Variants in GALNT17 observed in about 807,000 individuals in gnomAD.
The protein encoded by GALNT17 is UDP-GalNAc:polypeptide N-acetylgalactosaminyltransferase-like 3.
Under a neutral mutation model 63.7 loss-of-function variants are expected in GALNT17, and 29 were observed. The observed-to-expected ratio is 0.46, with a 90% CI of 0.34 to 0.62. The LOEUF (loss-of-function observed/expected upper bound fraction) is 0.62. Among genes scored for constraint, GALNT17 ranks in the 20% least tolerant of loss-of-function variants. The pLI, the probability that GALNT17 is intolerant of heterozygous loss-of-function variation, is 0.01. For synonymous variants in GALNT17, 305 were observed against 318.3 expected, an observed-to-expected ratio of 0.96 and a Z score of 0.45; for missense variants, 603 against 799.6, an observed-to-expected ratio of 0.75 and a Z score of 2.97.
At chr7:71,619,065 C>T (rs2116967789) in intron 6 of GALNT17, among the ~76,000 whole-genome samples, 1 of 152,228 alleles carries the variant, frequency 6.6e-6, no homozygotes, top group African/African-American at 2.4e-5. Flanking sequence ...TATTGAGTAG[C>T]AAGTTATTTG....
At chr7:71,332,394 G>A (rs944498017) in intron 1 of GALNT17, among the ~76,000 whole-genome samples, 3 of 152,034 alleles carry the variant, frequency 2.0e-5, no homozygotes, top group Non-Finnish European at 4.4e-5. Flanking sequence ...TCCTGTGCAC[G>A]CTTGAGCTCT....
intron 1 of GALNT17, among the ~76,000 whole-genome samples, chr7:71,266,011 C>T (rs535414320): frequency 6.6e-6 from 1 of 152,278 alleles, no homozygotes; most frequent in East Asian, 1.9e-4. Flanking sequence ...TCATTCCTTT[C>T]CTCTCCTAGC....
Position 71,665,457 on chromosome 7 carries a change from T to C in GALNT17, c.1127T>C (p.Val376Ala). The change falls in exon 7 of 11, where the codon GTG becomes GCG. Residue 376 changes from valine to alanine, a missense_variant. Physicochemically the swap from Val to Ala is moderately conservative, Grantham distance 64 (BLOSUM62 0). Coordinates refer to ENST00000333538, the MANE Select transcript of GALNT17 (RefSeq NM_022479.3). The stretch of plus-strand genomic sequence containing the variant: ...ATGGAGGTCCTTCCTTGCTCACGGG[T>C]GGCCCACATTGAGCGGAAGAAGAAG... Reference protein sequence around the residue: ...GSMEVLPCSRVAHIERKKKPY... With the variant: ...GSMEVLPCSRAAHIERKKKPY... 1 of 1,613,050 alleles carries C rather than the reference T, an allele frequency of 6.2e-7. No individual in the cohort carries two copies. Among genetic ancestry groups the C allele is most frequent in the Non-Finnish European group, 8.5e-7 (1 of 1,179,944 alleles).
chr7:71,240,102 C>T (rs932575094), intron 1 of GALNT17, among the ~76,000 whole-genome samples: 3 of 152,088 alleles, frequency 2.0e-5, no homozygotes, highest in Admixed American at 1.3e-4. Flanking sequence ...GAGGGTGGAA[C>T]GTTAAAAGCT....
chr7:71,527,155 A>G (rs1348953761), intron 5 of GALNT17, among the ~76,000 whole-genome samples: 1 of 152,174 alleles, frequency 6.6e-6, no homozygotes, highest in Admixed American at 6.5e-5. Flanking sequence ...TAGCTATTCA[A>G]TAAAATGAAT....
At chr7:71,533,692 T>A (rs1394008304) in intron 5 of GALNT17, among the ~76,000 whole-genome samples, 1 of 152,226 alleles carries the variant, frequency 6.6e-6, no homozygotes, top group Non-Finnish European at 1.5e-5. Flanking sequence ...CATGTGCTGC[T>A]GAATACCTAG....
intron 2 of GALNT17, among the ~76,000 whole-genome samples, chr7:71,366,370 CAA>C (rs952422517): frequency 2.8e-4 from 43 of 152,174 alleles, no homozygotes; most frequent in African/African-American, 8.4e-4. Flanking sequence ...ATCACGAAGT[CAA>C]GAGATCGAGA....
chr7:71,633,103 C>CAAAAA (rs71089970), intron 6 of GALNT17, among the ~76,000 whole-genome samples: 3 of 72,360 alleles, frequency 4.1e-5, no homozygotes, highest in South Asian at 5.3e-4. Flanking sequence ...GACTCTGTCT[C>CAAAAA]AAAAAAAAAA....
At chr7:71,457,341 C>T (rs1362299695) in intron 5 of GALNT17, among the ~76,000 whole-genome samples, 1 of 152,160 alleles carries the variant, frequency 6.6e-6, no homozygotes, top group Non-Finnish European at 1.5e-5. Context: ...CGTGACTTTT[C>T]CCTTGGCTTT....
intron 6 of GALNT17, among the ~76,000 whole-genome samples, chr7:71,615,318 G>A (rs916920286): frequency 1.3e-5 from 2 of 152,078 alleles, no homozygotes; most frequent in African/African-American, 4.8e-5. Context: ...CCCAGGCTGA[G>A]TCACTTATGT....
At chr7:71,629,633 C>T (rs1393806398) in intron 6 of GALNT17, among the ~76,000 whole-genome samples, 2 of 152,002 alleles carry the variant, frequency 1.3e-5, no homozygotes, top group Non-Finnish European at 2.9e-5. Flanking sequence ...GCACTTGTCC[C>T]AACTAATTAT....
At chr7:71,156,636 T>G (rs117118532) in intron 1 of GALNT17, among the ~76,000 whole-genome samples, 1,880 of 148,728 alleles carry the variant, frequency 0.013, 23 homozygotes, top group Non-Finnish European at 0.021. Flanking sequence ...TTTGCCTTCC[T>G]TCCCTTCCCC....
intron 4 of GALNT17, among the ~76,000 whole-genome samples, chr7:71,417,954 T>C (rs1436525265): frequency 2.6e-5 from 4 of 152,194 alleles, no homozygotes; most frequent in African/African-American, 9.6e-5. Flanking sequence ...CTTGGTTCTT[T>C]CTTGACATTC....
chr7:71,509,762 G>A (rs1432187267), intron 5 of GALNT17, among the ~76,000 whole-genome samples: 1 of 152,170 alleles, frequency 6.6e-6, no homozygotes, highest in African/African-American at 2.4e-5. Flanking sequence ...GAGAGATGGA[G>A]GCTTAATTGG....
At chr7:71,480,291 G>T (rs577803087) in intron 5 of GALNT17, among the ~76,000 whole-genome samples, 1 of 147,718 alleles carries the variant, frequency 6.8e-6, no homozygotes, top group South Asian at 2.2e-4. Flanking sequence ...TCAGCCTCCC[G>T]AGTAACTGTG....
Position 71,388,356 on chromosome 7 carries a change from C to A in GALNT17, c.544C>A (p.His182Asn), listed in dbSNP as rs757783027. Residue 182 changes from histidine (H) to asparagine (N), a missense_variant, in exon 3 of 11, where the codon CAC (histidine) becomes AAC (asparagine). His to Asn is a moderately conservative substitution (Grantham distance 68). Coordinates refer to ENST00000333538, the MANE Select transcript of GALNT17 (RefSeq NM_022479.3). The stretch of plus-strand genomic sequence containing the variant: ...CAGTGCCGTCAATCACACGCCCACA[C>A]ACCTGCTGAAGGAAATCATTCTGGT... ...VHSAVNHTPT[H>N]LLKEIILVDD... The A allele has an allele frequency of 6.2e-7, 1 of 1,614,018 alleles. No individual in the cohort carries two copies. The highest frequency in any genetic ancestry group is 1.1e-5 in the South Asian group (1 of 91,074).
intron 1 of GALNT17, among the ~76,000 whole-genome samples, chr7:71,186,484 G>C (rs1041209954): frequency 6.6e-6 from 1 of 152,186 alleles, no homozygotes; most frequent in Non-Finnish European, 1.5e-5. Context: ...CTCTTCTTTG[G>C]ACACTTCATG....
intron 9 of GALNT17, among the ~76,000 whole-genome samples, chr7:71,698,171 A>C (rs1048740117): frequency 2.6e-5 from 4 of 151,954 alleles, no homozygotes; most frequent in Non-Finnish European, 5.9e-5. Flanking sequence ...TGGTTGTATC[A>C]GTGAGCTTTT....
intron 2 of GALNT17, among the ~76,000 whole-genome samples, chr7:71,376,417 T>C (rs1792725376): frequency 7.1e-6 from 1 of 140,182 alleles, no homozygotes; most frequent in Non-Finnish European, 1.5e-5. Context: ...AACTTAAGGT[T>C]TGGAGTTGTT....
Sources: gnomAD v4.1 joint callset for allele counts (sites outside exome capture counted in the v4.1 genomes callset) on GRCh38, gnomAD v4.1.1 for gene constraint, MANE v1.5 for transcripts, NCBI Gene and HGNC (gene_info 2026-07-23, HGNC 2026-07-21) for gene names.